The following STK4 variants were observed in gnomAD, a reference collection of about 807,000 sequenced individuals.
STK4 encodes the protein serine/threonine kinase 4, also known as serine/threonine-protein kinase 4.
Under a neutral mutation model 64.9 loss-of-function variants are expected in STK4, and 30 were observed. The observed-to-expected ratio is 0.46, with a 90% CI of 0.35 to 0.63. The LOEUF is 0.63. STK4 is among the 20% of genes least tolerant of loss of function. The probability of loss-of-function intolerance (pLI) is 0.01; values close to 1 mark genes in which losing one functional copy is unlikely to be tolerated. For missense variants in STK4, 466 were observed against 598.5 expected (o/e 0.78, Z 2.31); for synonymous variants, 177 against 199.0 (o/e 0.89, Z 0.93).
intron 10 of STK4, among the ~76,000 whole-genome samples, chr20:45,039,712 T>C (rs555837719): frequency 6.6e-6 from 1 of 152,270 alleles, no homozygotes; most frequent in East Asian, 1.9e-4. Flanking sequence ...TAGATACTAT[T>C]AAAAAGACAT....
chr20:44,995,335 G>T (rs1258079133), intron 6 of STK4, 78 bp downstream of exon 6: 12 of 1,507,264 alleles, frequency 8.0e-6, no homozygotes, highest in Non-Finnish European at 1.1e-5. Flanking sequence ...GCCAGGTGTT[G>T]TGGCTCACAC....
chr20:44,988,383 C>T (rs2067567953), intron 5 of STK4, among the ~76,000 whole-genome samples: 1 of 151,052 alleles, frequency 6.6e-6, no homozygotes, highest in Admixed American at 6.6e-5. Context: ...GACATGGTAG[C>T]GCACGCCTGT....
chr20:45,064,872 A>C (rs770133175), intron 10 of STK4, among the ~76,000 whole-genome samples: 3 of 152,174 alleles, frequency 2.0e-5, no homozygotes, highest in Admixed American at 6.5e-5. Context: ...AGGGTTTTCT[A>C]TGTATAGAAT....
intron 9 of STK4, among the ~76,000 whole-genome samples, chr20:45,016,778 T>C (rs897440926): frequency 6.6e-6 from 1 of 152,130 alleles, no homozygotes. Context: ...AGAACAGCCA[T>C]GAGGGAAATA....
chr20:45,036,541 C>G (rs2068530318), intron 10 of STK4, among the ~76,000 whole-genome samples: 1 of 151,980 alleles, frequency 6.6e-6, no homozygotes, highest in Non-Finnish European at 1.5e-5. Flanking sequence ...TTCCAGCTTG[C>G]CAAAGAGAAG....
intron 10 of STK4, among the ~76,000 whole-genome samples, chr20:45,069,681 C>G (rs1035927420): frequency 6.6e-6 from 1 of 152,194 alleles, no homozygotes; most frequent in African/African-American, 2.4e-5. Context: ...CCATCCAGAA[C>G]CTTGTTGCAT....
rs1478235598 is a variant in STK4 at position 44,987,384 on chromosome 20, C to T, written c.525+88C>T. ...ATTTACCTATTTTTAAAATATAATA[C>T]TTGACTTAATTGTATTAGTAAAAAA... On this transcript the variant is annotated intron_variant, in intron 5 of 10. Transcript: ENST00000372806. 4 of 1,279,038 alleles carry T rather than the reference C, an allele frequency of 3.1e-6. No individual in the cohort carries two copies. The African/African-American group carries it at 4.6e-5, about 15-fold the overall frequency. The allele number at this position is 1,279,038 out of a possible 1,614,324, so 79.2% of individuals were successfully genotyped here. A position where few individuals can be genotyped will look rare whatever the true frequency, so the allele number is the denominator to read the frequency against.
At chr20:45,049,144 A>G (rs2068740788) in intron 10 of STK4, among the ~76,000 whole-genome samples, 1 of 152,186 alleles carries the variant, frequency 6.6e-6, no homozygotes, top group Admixed American at 6.5e-5. Context: ...CCTTTCATCA[A>G]GCAGAGTTCA....
intron 10 of STK4, among the ~76,000 whole-genome samples, chr20:45,043,541 A>C (rs2068646139): frequency 6.6e-6 from 1 of 152,188 alleles, no homozygotes; most frequent in Non-Finnish European, 1.5e-5. Flanking sequence ...CATAGGATAC[A>C]TTTTGAACCT....
At chr20:44,987,438 GA>G in intron 5 of STK4, 142 bp downstream of exon 5, 1 of 800,602 alleles carries the variant, frequency 1.2e-6, no homozygotes, top group Non-Finnish European at 1.9e-6. Flanking sequence ...GGTTACAAAA[GA>G]GCTAGTTAGT....
intron 10 of STK4, among the ~76,000 whole-genome samples, chr20:45,061,513 G>T (rs138051847): frequency 6.6e-6 from 1 of 152,194 alleles, no homozygotes; most frequent in Non-Finnish European, 1.5e-5. Flanking sequence ...CACTTAGTAG[G>T]CATCTTGGTT....
rs907223252 is a variant in STK4 at position 45,065,577 on chromosome 20, A to G, written c.1306-9441A>G. Among the ~76,000 whole-genome samples, 4 of 152,190 alleles carry G rather than the reference A, an allele frequency of 2.6e-5. No individual in the cohort carries two copies. The East Asian group carries it at 7.7e-4, about 29-fold the overall frequency. ...GTAGGATTGGTACCAACTCTTCCTTATACATCTGATAGAATTCAGCTGTGA... is the reference window on the plus strand; with the variant it reads ...GTAGGATTGGTACCAACTCTTCCTTGTACATCTGATAGAATTCAGCTGTGA... On this transcript the variant is annotated intron_variant, in intron 10 of 10. Coordinates refer to ENST00000372806, the MANE Select transcript of STK4 (RefSeq NM_006282.5).
chr20:45,038,708 A>G (rs764703040), intron 10 of STK4, among the ~76,000 whole-genome samples: 3 of 152,064 alleles, frequency 2.0e-5, no homozygotes, highest in Non-Finnish European at 2.9e-5. Context: ...ACTTATAAAC[A>G]TTATTGAGGA....
At chr20:45,037,625 G>A (rs2068548330) in intron 10 of STK4, among the ~76,000 whole-genome samples, 1 of 152,092 alleles carries the variant, frequency 6.6e-6, no homozygotes, top group Non-Finnish European at 1.5e-5. Context: ...TTGTGGTAAG[G>A]AAGGATAAAT....
intron 5 of STK4, among the ~76,000 whole-genome samples, chr20:44,987,497 T>C (rs1382120918): frequency 2.0e-5 from 3 of 152,202 alleles, no homozygotes; most frequent in African/African-American, 7.2e-5. Context: ...TAGCTTAACT[T>C]TGTTCAACTT....
At chr20:45,028,920 G>A (rs769106321) in intron 10 of STK4, among the ~76,000 whole-genome samples, 1 of 152,134 alleles carries the variant, frequency 6.6e-6, no homozygotes, top group Non-Finnish European at 1.5e-5. Flanking sequence ...GGAAGTAGAT[G>A]ACTTCTAGGG....
At chr20:45,063,684 TG>T (rs1172350799) in intron 10 of STK4, among the ~76,000 whole-genome samples, 1 of 152,154 alleles carries the variant, frequency 6.6e-6, no homozygotes, top group Non-Finnish European at 1.5e-5. Flanking sequence ...ATGTCCAGAG[TG>T]GTATTTCCTA....
chr20:44,972,425 A>G (rs1010278232), intron 2 of STK4: 4 of 278,538 alleles, frequency 1.4e-5, no homozygotes, highest in African/African-American at 6.6e-5. Flanking sequence ...CACTAATTAG[A>G]TTAAAATTCT....
At chr20:44,996,377 C>T (rs1230999402) in intron 6 of STK4, among the ~76,000 whole-genome samples, 1 of 152,146 alleles carries the variant, frequency 6.6e-6, no homozygotes. Flanking sequence ...TGGTCCTCTC[C>T]ATCCTTCCTT....
Sources: gnomAD v4.1 joint callset for allele counts (sites outside exome capture counted in the v4.1 genomes callset) on GRCh38, gnomAD v4.1.1 for gene constraint, MANE v1.5 for transcripts, NCBI Gene and HGNC (gene_info 2026-07-23, HGNC 2026-07-21) for gene names.